SLC47A1: variants seen among roughly 807,000 people sequenced by gnomAD.
SLC47A1 encodes the protein solute carrier family 47 member 1, also known as multidrug and toxin extrusion protein 1.
SLC47A1 carries 58 observed loss-of-function variants against 65.8 expected under a neutral mutation model. The observed-to-expected ratio is 0.88, with a 90% CI of 0.71 to 1.10. The LOEUF (loss-of-function observed/expected upper bound fraction) is 1.10, where lower values mean the gene tolerates loss of function less well. Ranked by LOEUF, SLC47A1 falls within the 50% of genes least tolerant of loss-of-function variation. The pLI, the probability that SLC47A1 is intolerant of heterozygous loss-of-function variation, is 0.00. For synonymous variants in SLC47A1, 285 were observed against 295.0 expected, an observed-to-expected ratio of 0.97 and a Z score of 0.35; for missense variants, 706 against 719.2, an observed-to-expected ratio of 0.98 and a Z score of 0.21.
intron 12 of SLC47A1, 134 bp from the exon 13 acceptor site, chr17:19,566,656 C>T: frequency 2.8e-6 from 2 of 717,950 alleles, no homozygotes; most frequent in Admixed American, 2.3e-5. Flanking sequence ...AACTCCTGAC[C>T]TCAGGTGATC....
chr17:19,578,753 C>G lies in SLC47A1; in HGVS notation c.*1200C>G, dbSNP rs2084458921. The G allele has an allele frequency of 6.6e-6, 1 of 152,242 alleles. No homozygotes were observed. The highest frequency in any genetic ancestry group is 1.5e-5 in the Non-Finnish European group (1 of 68,040). The allele number at this position is 152,242 out of a possible 1,614,324, so 9.4% of individuals were successfully genotyped here. On this transcript the variant is annotated 3_prime_UTR_variant, in exon 17 of 17. Transcript: ENST00000270570. ...TTCTCTGCACATCCAGCTGGTGAAA[C>G]TGCGTGCTGTAAGCTGGGACCAGCT...
At chr17:19,571,628 G>T in intron 15 of SLC47A1, 56 bp downstream of exon 15, 1 of 1,325,436 alleles carries the variant, frequency 7.5e-7, no homozygotes, top group South Asian at 1.2e-5. Context: ...AACAGGATCT[G>T]ATCTGGCTCT....
chr17:19,555,810 T>A lies in SLC47A1; in HGVS notation c.754T>A (p.Cys252Ser). The change falls in exon 9 of 17, where the codon TGC becomes AGC. Residue 252 changes from cysteine to serine, a missense_variant. Cys to Ser is a moderately radical substitution (Grantham distance 112). Coordinates refer to ENST00000270570, the MANE Select transcript of SLC47A1 (RefSeq NM_018242.3). Reference protein sequence around the residue: ...QATWGGWSLECLQDWASFLRL... With the variant: ...QATWGGWSLESLQDWASFLRL... ...CCCCCCCACAGGCTGGTCCCTCGAG[T>A]GCCTGCAGGACTGGGCCTCCTTCCT... The A allele has an allele frequency of 6.2e-7, 1 of 1,613,592 alleles. No homozygotes were observed. The highest frequency in any genetic ancestry group is 8.5e-7 in the Non-Finnish European group (1 of 1,180,016).
rs556099144 is a variant in SLC47A1 at position 19,549,505 on chromosome 17, C to T, written c.456-130C>T. 26 of 979,070 alleles carry T rather than the reference C, an allele frequency of 2.7e-5. 1 individual carries two copies. The highest frequency in any genetic ancestry group is 1.6e-4 in the African/African-American group (10 of 62,630). The allele number at this position is 979,070 out of a possible 1,614,324, so 60.6% of individuals were successfully genotyped here. ...CACCGCGCCCGGCCTGCTCCAGCAA[C>T]TTAAGCCCATTAATCTGGAAACAGC... On this transcript the variant is annotated intron_variant, in intron 4 of 16. Coordinates refer to ENST00000270570, the MANE Select transcript of SLC47A1 (RefSeq NM_018242.3).
chr17:19,534,226 AC>A, intron 1 of SLC47A1, 152 bp downstream of exon 1: 2 of 1,001,990 alleles, frequency 2.0e-6, no homozygotes, highest in Non-Finnish European at 2.7e-6. Flanking sequence ...CCGGGCGGGC[AC>A]CCCAGCTCCT....
At chr17:19,548,163 G>A in intron 4 of SLC47A1, 30 bp downstream of exon 4, 2 of 1,596,124 alleles carry the variant, frequency 1.3e-6, no homozygotes, top group South Asian at 1.1e-5. Flanking sequence ...AGCGGGACTT[G>A]GCGTCCATCC....
Position 19,566,796 on chromosome 17 carries a change from C to T in SLC47A1, c.1113C>T (p.Ile371=), listed in dbSNP as rs1268805456. The T allele has an allele frequency of 6.2e-7, 1 of 1,614,176 alleles. No individual in the cohort carries two copies. Among genetic ancestry groups the T allele is most frequent in the Non-Finnish European group, 8.5e-7 (1 of 1,180,020 alleles). Residue 371 remains isoleucine (I), a synonymous_variant, in exon 13 of 17, where the codon ATC becomes ATT. Transcript: ENST00000270570. ...VGYIFTTDRD[I]INLVAQVVPI... is the part of the protein sequence containing the mutation. The stretch of plus-strand genomic sequence containing the variant: ...TGCTTTATTTTCCTAACAGAGACAT[C>T]ATTAATCTGGTGGCTCAGGTGGTTC...
intron 2 of SLC47A1, among the ~76,000 whole-genome samples, chr17:19,545,586 G>A (rs1031262598): frequency 3.9e-5 from 6 of 152,092 alleles, no homozygotes; most frequent in Non-Finnish European, 8.8e-5. Flanking sequence ...TGCTTCTTGG[G>A]ATCAAGTGAT....
intron 6 of SLC47A1, among the ~76,000 whole-genome samples, chr17:19,552,464 G>T (rs911868232): frequency 6.6e-6 from 1 of 152,340 alleles, no homozygotes; most frequent in East Asian, 1.9e-4. Context: ...GCTTTGGGCT[G>T]TCTCCTTTTG....
intron 1 of SLC47A1, among the ~76,000 whole-genome samples, chr17:19,539,542 T>C (rs1916081652): frequency 6.6e-6 from 1 of 151,974 alleles, no homozygotes; most frequent in African/African-American, 2.4e-5. Flanking sequence ...TGGAGTGTAG[T>C]GGCTTGATCT....
chr17:19,579,014 A>C lies in SLC47A1; in HGVS notation c.*1461A>C, dbSNP rs1170258527. ...CCTGAACATGCAATTCTTTCTTCCA[A>C]AATAAAACATTAAATAGAGATTTTG... On this transcript the variant is annotated 3_prime_UTR_variant, in exon 17 of 17. Transcript: ENST00000270570. 6.6e-6 allele frequency: 1 copy of C among 152,248 alleles called. No individual in the cohort carries two copies. The highest frequency in any genetic ancestry group is 1.5e-5 in the Non-Finnish European group (1 of 68,046). 9.4% of individuals were successfully genotyped at this position (152,248 alleles called of 1,614,324 possible).
chr17:19,555,849 C>T lies in SLC47A1; in HGVS notation c.793C>T (p.Pro265Ser), dbSNP rs1420643237. The T allele has an allele frequency of 6.2e-7, 1 of 1,613,814 alleles. No homozygotes were observed. The highest frequency in any genetic ancestry group is 2.2e-5 in the East Asian group (1 of 44,862). The change falls in exon 9 of 17, where the codon CCC becomes TCC. Residue 265 changes from proline (P) to serine (S), a missense_variant. Transcript: ENST00000270570. ...DWASFLRLAIPSMLMLCMEWW... is the reference protein window; with the variant it reads ...DWASFLRLAISSMLMLCMEWW... Reference sequence around the variant, plus strand: ...GGCCTCCTTCCTCCGCCTGGCCATCCCCAGCATGCTCATGCTGTGCATGGA... The same window carrying T: ...GGCCTCCTTCCTCCGCCTGGCCATCTCCAGCATGCTCATGCTGTGCATGGA...
At chr17:19,565,539 A>G (rs143018442) in intron 12 of SLC47A1, among the ~76,000 whole-genome samples, 167 of 151,126 alleles carry the variant, frequency 1.1e-3, no homozygotes, top group African/African-American at 3.9e-3. Context: ...TTTGCTTTCC[A>G]AGGTTTAGTC....
intron 4 of SLC47A1, 62 bp from the exon 5 acceptor site, chr17:19,549,573 C>T: frequency 1.3e-6 from 2 of 1,528,686 alleles, no homozygotes; most frequent in Non-Finnish European, 1.8e-6. Flanking sequence ...TTCTGCCTAA[C>T]TTTCCCTGGA....
intron 2 of SLC47A1, among the ~76,000 whole-genome samples, chr17:19,543,299 G>A (rs1219713563): frequency 1.3e-5 from 2 of 151,650 alleles, no homozygotes; most frequent in Non-Finnish European, 2.9e-5. Flanking sequence ...TAGTAGAGAC[G>A]GGGTTTCACC....
rs2084451577 is a variant in SLC47A1 at position 19,577,635 on chromosome 17, G to A, written c.*82G>A. ...AGGCCCACCAGTGACAATTTACTGT[G>A]AGTTAATGTCATTCAGGTGTGCCCA... On this transcript the variant is annotated 3_prime_UTR_variant, in exon 17 of 17. Transcript: ENST00000270570. 76 of 1,577,804 alleles carry A rather than the reference G, an allele frequency of 4.8e-5. No individual in the cohort carries two copies. Among genetic ancestry groups the A allele is most frequent in the Non-Finnish European group, 6.5e-5 (76 of 1,162,564 alleles).
intron 1 of SLC47A1, chr17:19,534,394 T>G: frequency 1.0e-5 from 3 of 287,266 alleles, no homozygotes; most frequent in South Asian, 1.0e-4. Context: ...GCTGGGACCT[T>G]TGCCCCTAAC....
Position 19,556,025 on chromosome 17 carries a change from A to T in SLC47A1, c.884A>T (p.Gln295Leu). Residue 295 changes from glutamine to leucine, a missense_variant, in exon 10 of 17, where the codon CAG becomes CTG. Physicochemically the swap from Gln to Leu is moderately radical, Grantham distance 113 (BLOSUM62 -2). Transcript: ENST00000270570. ...GILGMVELGA[Q>L]SIVYELAIIV... is the part of the protein sequence containing the mutation. Reference sequence around the variant, plus strand: ...CTCGGCATGGTGGAGCTGGGCGCTCAGTCCATCGTGTATGAACTGGCCATC... The same window carrying T: ...CTCGGCATGGTGGAGCTGGGCGCTCTGTCCATCGTGTATGAACTGGCCATC... The T allele has an allele frequency of 6.2e-7, 1 of 1,614,204 alleles. No homozygotes were observed. Among genetic ancestry groups the T allele is most frequent in the South Asian group, 1.1e-5 (1 of 91,082 alleles).
Position 19,555,650 on chromosome 17 carries a change from C to G in SLC47A1, c.699C>G (p.Leu233=). The stretch of plus-strand genomic sequence containing the variant: ...ACACCCTGGCTCTACTCCTCTTTCT[C>G]TACATCCTCGGGAAAAAACTGCATC... ...SQYTLALLLF[L]YILGKKLHQA... is the part of the protein sequence containing the mutation. Residue 233 remains leucine, a synonymous_variant, in exon 8 of 17, where the codon CTC becomes CTG. Coordinates refer to ENST00000270570, the MANE Select transcript of SLC47A1 (RefSeq NM_018242.3). 1 of 1,614,232 alleles carries G rather than the reference C, an allele frequency of 6.2e-7. No homozygotes were observed. Among genetic ancestry groups the G allele is most frequent in the Non-Finnish European group, 8.5e-7 (1 of 1,180,044 alleles).
Sources: allele counts gnomAD v4.1 joint callset (sites outside exome capture counted in the v4.1 genomes callset), GRCh38; gene constraint gnomAD v4.1.1; transcripts MANE v1.5; gene names NCBI Gene and HGNC (gene_info 2026-07-23, HGNC 2026-07-21).